Variants in DPP10 observed in about 807,000 individuals in gnomAD.
The protein encoded by DPP10 is inactive dipeptidyl peptidase 10.
A neutral mutation model predicts 120.9 loss-of-function variants in DPP10; 33 were observed. That is an observed-to-expected ratio of 0.27 (90% CI 0.21 to 0.37). The LOEUF (loss-of-function observed/expected upper bound fraction) is 0.37. Among genes scored for constraint, DPP10 ranks in the 10% least tolerant of loss-of-function variants. DPP10 has a pLI of 1.00. For synonymous variants in DPP10, 337 were observed against 326.1 expected (o/e 1.03, Z -0.36); for missense variants, 816 against 942.8 (o/e 0.87, Z 1.76).
At chr2:115,383,718 A>G (rs1160236551) in intron 3 of DPP10, among the ~76,000 whole-genome samples, 1 of 152,080 alleles carries the variant, frequency 6.6e-6, no homozygotes, top group Non-Finnish European at 1.5e-5. Context: ...TGTGTTTCTT[A>G]TGCATTTAAA....
At chr2:115,535,087 C>A (rs367987418) in intron 5 of DPP10, among the ~76,000 whole-genome samples, 7 of 149,060 alleles carry the variant, frequency 4.7e-5, no homozygotes, top group African/African-American at 1.8e-4. Flanking sequence ...ATGGTAGTTT[C>A]TTTTGCTGTG....
intron 1 of DPP10, among the ~76,000 whole-genome samples, chr2:114,721,776 A>G (rs1701719343): frequency 6.6e-6 from 1 of 152,238 alleles, no homozygotes; most frequent in African/African-American, 2.4e-5. Flanking sequence ...TAAAGATCAA[A>G]ATATTACCTT....
At chr2:115,337,977 T>C (rs1350975992) in intron 2 of DPP10, among the ~76,000 whole-genome samples, 1 of 152,056 alleles carries the variant, frequency 6.6e-6, no homozygotes, top group East Asian at 1.9e-4. Flanking sequence ...GATTTATTTA[T>C]AGTTATTTGA....
At chr2:115,525,576 A>G (rs2078080124) in intron 4 of DPP10, among the ~76,000 whole-genome samples, 1 of 152,062 alleles carries the variant, frequency 6.6e-6, no homozygotes, top group African/African-American at 2.4e-5. Flanking sequence ...TGCAAATTAT[A>G]AAAGCATTTT....
chr2:115,076,907 A>C lies in DPP10; in HGVS notation c.61-232332A>C, dbSNP rs77186042. Among the ~76,000 whole-genome samples the C allele has an allele frequency of 3.7e-4, 56 of 152,384 alleles. No individual in the cohort carries two copies. In the East Asian group the frequency reaches 0.01, roughly 27 times the overall value. On this transcript the variant is annotated intron_variant, in intron 1 of 25. Coordinates refer to ENST00000410059, the MANE Select transcript of DPP10 (RefSeq NM_020868.6). Reference sequence around the variant, plus strand: ...TAGACTAAAATTGTTCACTTTTACTATCACACTGCTATATTGTTTTCCAAA... The same window carrying C: ...TAGACTAAAATTGTTCACTTTTACTCTCACACTGCTATATTGTTTTCCAAA...
At chr2:114,593,075 G>A (rs1991592) in intron 1 of DPP10, among the ~76,000 whole-genome samples, 22,633 of 152,008 alleles carry the variant, frequency 0.15, 2,059 homozygotes, top group African/African-American at 0.26. Flanking sequence ...TTAGTAATGA[G>A]ACTTTTATCA....
At chr2:115,765,038 A>C (rs1680551385) in intron 12 of DPP10, among the ~76,000 whole-genome samples, 1 of 152,126 alleles carries the variant, frequency 6.6e-6, no homozygotes, top group African/African-American at 2.4e-5. Context: ...CTTGTGTGTC[A>C]AAAACACTGA....
At chr2:115,472,628 C>A (rs368031657) in intron 3 of DPP10, among the ~76,000 whole-genome samples, 3 of 152,218 alleles carry the variant, frequency 2.0e-5, no homozygotes, top group Non-Finnish European at 2.9e-5. Context: ...TTACAGCACC[C>A]CTCTTTGTAT....
intron 1 of DPP10, among the ~76,000 whole-genome samples, chr2:114,443,287 A>G (rs1489857020): frequency 6.6e-6 from 1 of 152,208 alleles, no homozygotes; most frequent in Non-Finnish European, 1.5e-5. Context: ...CATTGTGAGC[A>G]TTGAACTGGT....
At chr2:115,581,359 T>TA (rs1432240533) in intron 5 of DPP10, among the ~76,000 whole-genome samples, 1 of 152,172 alleles carries the variant, frequency 6.6e-6, no homozygotes, top group Non-Finnish European at 1.5e-5. Context: ...AATGGGACAG[T>TA]AAATCCAGGT....
intron 5 of DPP10, among the ~76,000 whole-genome samples, chr2:115,555,878 T>G (rs1283831635): frequency 3.3e-5 from 5 of 152,094 alleles, no homozygotes; most frequent in African/African-American, 1.2e-4. Flanking sequence ...TTGTCATGTA[T>G]GTGTGGTGGA....
At chr2:115,092,583 A>AAT (rs955743241) in intron 1 of DPP10, among the ~76,000 whole-genome samples, 45 of 151,938 alleles carry the variant, frequency 3.0e-4, no homozygotes, top group African/African-American at 9.9e-4. Flanking sequence ...ACTTGATTTC[A>AAT]ATATATATAT....
chr2:114,929,023 A>G (rs1412162775), intron 1 of DPP10, among the ~76,000 whole-genome samples: 1 of 152,188 alleles, frequency 6.6e-6, no homozygotes, highest in Non-Finnish European at 1.5e-5. Flanking sequence ...AGAGTACAAA[A>G]GAGAGAAATT....
intron 5 of DPP10, among the ~76,000 whole-genome samples, chr2:115,614,286 G>A (rs1283976278): frequency 2.6e-5 from 4 of 152,270 alleles, no homozygotes; most frequent in East Asian, 1.9e-4. Flanking sequence ...AGTTAGCTCC[G>A]TACATTGCAG....
intron 1 of DPP10, among the ~76,000 whole-genome samples, chr2:115,090,632 T>C (rs1351593256): frequency 1.3e-5 from 2 of 152,204 alleles, no homozygotes; most frequent in Non-Finnish European, 2.9e-5. Flanking sequence ...AAAAAGTGGC[T>C]TAACAGTCAA....
At chr2:115,093,283 C>T (rs1709432333) in intron 1 of DPP10, among the ~76,000 whole-genome samples, 1 of 152,172 alleles carries the variant, frequency 6.6e-6, no homozygotes, top group East Asian at 1.9e-4. Flanking sequence ...CATATAGTCA[C>T]AACAGTGTGC....
In DPP10 at chr2:115,628,817, T is replaced by TTTA. The variant is rs368983828; in HGVS notation, c.442-60856_442-60854dup. On this transcript the variant is annotated intron_variant, in intron 5 of 25. Transcript: ENST00000410059. ...GTTTTTTTTCTAGGTCAAGTTTTTT[T>TTTA]TTATTATTATTATTATACTTTAAGT... Among the ~76,000 whole-genome samples, 10 of 151,932 alleles carry TTTA rather than the reference T, an allele frequency of 6.6e-5. No individual in the cohort carries two copies. In the South Asian group the frequency reaches 8.3e-4, roughly 13 times the overall value.
rs538635724 is a variant in DPP10, at chr2:115,338,043, AT to A, written c.176-5773del. 1.5e-3 allele frequency among the ~76,000 whole-genome samples: 227 copies of A among 152,226 alleles called. 1 individual carries two copies. Among genetic ancestry groups the A allele is most frequent in the African/African-American group, 5.2e-3 (218 of 41,590 alleles). On this transcript the variant is annotated intron_variant, in intron 2 of 25. Coordinates refer to ENST00000410059, the MANE Select transcript of DPP10 (RefSeq NM_020868.6). Reference sequence around the variant, plus strand: ...TTCCAGGGGCAATTGGAGTTAAAAAATATTATTAAAATTATTAAACTATTCC... The same window carrying A: ...TTCCAGGGGCAATTGGAGTTAAAAAAATTATTAAAATTATTAAACTATTCC...
At chr2:115,439,854 G>A (rs1574850350) in intron 3 of DPP10, among the ~76,000 whole-genome samples, 2 of 123,932 alleles carry the variant, frequency 1.6e-5, no homozygotes, top group Admixed American at 1.6e-4. Context: ...CATTCAAAAA[G>A]CAGAACTAAT....
Sources: gnomAD v4.1 joint callset for allele counts (sites outside exome capture counted in the v4.1 genomes callset) on GRCh38, gnomAD v4.1.1 for gene constraint, MANE v1.5 for transcripts, NCBI Gene and HGNC (gene_info 2026-07-23, HGNC 2026-07-21) for gene names.